TMEM94: variants seen among roughly 807,000 people sequenced by gnomAD.
TMEM94 encodes the protein transmembrane protein 94.
Under a neutral mutation model 158.6 loss-of-function variants are expected in TMEM94, and 81 were observed. The ratio of observed to expected loss-of-function variants is 0.51; its 90% CI spans 0.43 to 0.61. The LOEUF (loss-of-function observed/expected upper bound fraction) is 0.61. TMEM94 is among the 20% of genes least tolerant of loss of function. TMEM94 has a pLI of 0.00. For missense variants in TMEM94, 1,435 were observed against 1,762.0 expected, an observed-to-expected ratio of 0.81 and a Z score of 3.32; for synonymous variants, 751 against 730.7, an observed-to-expected ratio of 1.03 and a Z score of -0.45.
rs368578867 is a variant in TMEM94, at chr17:75,494,987, C to A, written c.2681C>A (p.Pro894His). The A allele has an allele frequency of 3.0e-4, 481 of 1,613,458 alleles. 1 individual carries two copies. Among genetic ancestry groups the A allele is most frequent in the Non-Finnish European group, 3.7e-4 (431 of 1,180,020 alleles). The change falls in exon 20 of 32, where the codon CCC (proline) becomes CAC (histidine). Residue 894 changes from proline (P) to histidine (H), a missense_variant. Pro to His is a moderately conservative substitution (Grantham distance 77, BLOSUM62 -2). This residue lies in a region of TMEM94 where 1,051 missense variants were observed against 1,254.4 expected (regional missense o/e 0.84). Coordinates refer to ENST00000314256, the MANE Select transcript of TMEM94 (RefSeq NM_014738.6). ...NGDMPGSEIP[P>H]SSPSHAGSLH... ...GACATGCCTGGCTCCGAGATCCCCC[C>A]CTCCAGCCCCAGCCACGCAGGCTCC...
chr17:75,492,020 A>T lies in TMEM94; in HGVS notation c.1596+120A>T, dbSNP rs1421608144. On this transcript the variant is annotated intron_variant, in intron 14 of 31. Transcript: ENST00000314256. The surrounding 1 kb of genome is among the most constrained non-coding windows in gnomAD (Gnocchi z 4.4). ...AGGCGTCTCTGCCCTCTGTCCCAGCACCTCCAGGCTAGGCCAGTGGTCCCT... is the reference window on the plus strand; with the variant it reads ...AGGCGTCTCTGCCCTCTGTCCCAGCTCCTCCAGGCTAGGCCAGTGGTCCCT... 2.8e-6 allele frequency: 3 copies of T among 1,071,488 alleles called. No homozygotes were observed. Among genetic ancestry groups the T allele is most frequent in the Non-Finnish European group, 4.1e-6 (3 of 736,344 alleles). 66.4% of individuals were successfully genotyped at this position (1,071,488 alleles called of 1,614,324 possible).
chr17:75,499,506 ACTGT>A lies in TMEM94; in HGVS notation c.*173_*176del. On this transcript the variant is annotated 3_prime_UTR_variant, in exon 32 of 32. Transcript: ENST00000314256. ...GCTGTCTTCCTGAGCCCTGGGGCTC[ACTGT>A]GGAGGAGCTGACGGCCTGGGCCCTT... 1.6e-6 allele frequency: 1 copy of A among 644,236 alleles called. No homozygotes were observed. Among genetic ancestry groups the A allele is most frequent in the African/African-American group, 1.8e-5 (1 of 54,756 alleles). The allele number at this position is 644,236 out of a possible 1,614,324, so 39.9% of individuals were successfully genotyped here.
Position 75,492,432 on chromosome 17 carries a change from C to T in TMEM94, c.1597-42C>T. 1 of 1,540,596 alleles carries T rather than the reference C, an allele frequency of 6.5e-7. No individual in the cohort carries two copies. The highest frequency in any genetic ancestry group is 1.3e-5 in the South Asian group (1 of 79,562). On this transcript the variant is annotated intron_variant, in intron 14 of 31. Transcript: ENST00000314256. The surrounding 1 kb of genome is among the most constrained non-coding windows in gnomAD (Gnocchi z 4.4). ...GGCAGAGCCAGTGCTGGCTTCCCCA[C>T]ACCCTATCCCGGGCTGAGGCTCTCC...
In TMEM94 at chr17:75,491,761, G is replaced by A. The variant is rs565448820; in HGVS notation, c.1457G>A (p.Arg486His). Residue 486 changes from arginine (R) to histidine (H), a missense_variant, in exon 14 of 32, where the codon CGT (arginine) becomes CAT (histidine). Physicochemically the swap from Arg to His is conservative, Grantham distance 29. Coordinates refer to ENST00000314256, the MANE Select transcript of TMEM94 (RefSeq NM_014738.6). The surrounding 1 kb of genome is among the most constrained non-coding windows in gnomAD (Gnocchi z 5.1). ...NTLHLSNEQERGDWPGEAPKP... is the reference protein window; with the variant it reads ...NTLHLSNEQEHGDWPGEAPKP... ...CTGCACCTTTCCAATGAGCAGGAGC[G>A]TGGCGACTGGCCTGGCGAGGCTCCC... 1.8e-4 allele frequency: 283 copies of A among 1,614,048 alleles called. 2 individuals are homozygous for A. In the South Asian group the frequency reaches 2.5e-3, roughly 14 times the overall value.
At position 75,491,477 on chromosome 17, in the gene TMEM94, G is replaced by C; in HGVS notation, c.1386+22G>C. 6.2e-7 allele frequency: 1 copy of C among 1,613,848 alleles called. No homozygotes were observed. The highest frequency in any genetic ancestry group is 8.5e-7 in the Non-Finnish European group (1 of 1,180,018). Reference sequence around the variant, plus strand: ...CGAGGTAGAGGAGGAGGTACGGCCGGCTCCCATGGGCCCGACTCTGGGCCA... The same window carrying C: ...CGAGGTAGAGGAGGAGGTACGGCCGCCTCCCATGGGCCCGACTCTGGGCCA... On this transcript the variant is annotated intron_variant, in intron 13 of 31. Coordinates refer to ENST00000314256, the MANE Select transcript of TMEM94 (RefSeq NM_014738.6). The surrounding 1 kb of genome is among the most constrained non-coding windows in gnomAD (Gnocchi z 5.1).
At chr17:75,486,679 T>C (rs979920557) in intron 5 of TMEM94, among the ~76,000 whole-genome samples, 4 of 152,202 alleles carry the variant, frequency 2.6e-5, no homozygotes, top group African/African-American at 9.7e-5. Flanking sequence ...GCTTGCAGGC[T>C]GGCTCACGTT....
intron 1 of TMEM94, among the ~76,000 whole-genome samples, chr17:75,471,238 CAAAA>C (rs763388343): frequency 5.7e-5 from 4 of 69,994 alleles, no homozygotes; most frequent in South Asian, 1.1e-3. Context: ...GAATCCGTCT[CAAAA>C]AAAAAAAAAA....
At chr17:75,474,808 C>T (rs1213838896) in intron 2 of TMEM94, among the ~76,000 whole-genome samples, 1 of 152,154 alleles carries the variant, frequency 6.6e-6, no homozygotes, top group Non-Finnish European at 1.5e-5. Context: ...GCTTCTGATC[C>T]ATCAGTTCGG....
rs2052436707 is a variant in TMEM94 at position 75,493,835 on chromosome 17, A to C, written c.2326A>C (p.Ser776Arg). 6.2e-7 allele frequency: 1 copy of C among 1,613,716 alleles called. No individual in the cohort carries two copies. The change falls in exon 18 of 32, where the codon AGC becomes CGC. Residue 776 changes from serine (S) to arginine (R), a missense_variant. Physicochemically the swap from Ser to Arg is moderately radical, Grantham distance 110. This residue lies in a region of TMEM94 where 1,051 missense variants were observed against 1,254.4 expected (regional missense o/e 0.84). Coordinates refer to ENST00000314256, the MANE Select transcript of TMEM94 (RefSeq NM_014738.6). ...CIELVQVPGQ[S>R]SIFTMCELPS... The stretch of plus-strand genomic sequence containing the variant: ...CGAGCTGGTACAGGTGCCCGGCCAA[A>C]GCAGCATCTTCACCATGTGCGAGCT...
At chr17:75,461,783 G>A (rs905469595) in intron 1 of TMEM94, among the ~76,000 whole-genome samples, 3 of 151,302 alleles carry the variant, frequency 2.0e-5, no homozygotes, top group Non-Finnish European at 2.9e-5. Flanking sequence ...GCGTGGTGGC[G>A]GGCGCCTGCA....
At chr17:75,471,242 A>G (rs1201310769) in intron 1 of TMEM94, among the ~76,000 whole-genome samples, 2 of 146,918 alleles carry the variant, frequency 1.4e-5, no homozygotes, top group Non-Finnish European at 3.0e-5. Flanking sequence ...CCGTCTCAAA[A>G]AAAAAAAAAA....
At chr17:75,476,680 ACT>A (rs1366634926) in intron 2 of TMEM94, 1 of 1,535,288 alleles carries the variant, frequency 6.5e-7, no homozygotes, top group African/African-American at 1.4e-5. Context: ...TGTGGCTCAG[ACT>A]CTGGCCCATG....
At chr17:75,486,553 C>A in intron 5 of TMEM94, 127 bp downstream of exon 5, 1 of 1,177,750 alleles carries the variant, frequency 8.5e-7, no homozygotes, top group Non-Finnish European at 1.2e-6. Flanking sequence ...CTCTTGTCAT[C>A]TGGGGAGTTA....
rs182308860 is a variant in TMEM94 at position 75,499,445 on chromosome 17, G to A, written c.*111G>A. The stretch of plus-strand genomic sequence containing the variant: ...TGTTTCCAGGTTTGCTCCTGCACCC[G>A]TGGCACTGGAAACCCAGCTCCCCGT... On this transcript the variant is annotated 3_prime_UTR_variant, in exon 32 of 32. Coordinates refer to ENST00000314256, the MANE Select transcript of TMEM94 (RefSeq NM_014738.6). 175 of 1,061,002 alleles carry A rather than the reference G, an allele frequency of 1.6e-4. No homozygotes were observed. The African/African-American group carries it at 2.3e-3, about 14-fold the overall frequency. 65.7% of individuals were successfully genotyped at this position (1,061,002 alleles called of 1,614,324 possible). A position where few individuals can be genotyped will look rare whatever the true frequency, so the allele number is the denominator to read the frequency against.
chr17:75,486,520 GC>G, intron 5 of TMEM94, 94 bp downstream of exon 5: 1 of 1,505,728 alleles, frequency 6.6e-7, no homozygotes, highest in East Asian at 2.3e-5. Context: ...CAGACGGGTT[GC>G]CTGTGGCCAG....
rs1298612564 is a variant in TMEM94, at chr17:75,495,296, A to G, written c.2741A>G (p.Asp914Gly). 1.9e-6 allele frequency: 3 copies of G among 1,610,448 alleles called. No homozygotes were observed. Among genetic ancestry groups the G allele is most frequent in the Admixed American group, 3.4e-5 (2 of 59,534 alleles). Residue 914 changes from aspartate (D) to glycine (G), a missense_variant, in exon 21 of 32, where the codon GAT (aspartate) becomes GGT (glycine). Around this residue, in one of 3 missense-constraint regions of TMEM94, gnomAD observed 1,051 missense variants for 1,254.4 expected, o/e 0.84. Coordinates refer to ENST00000314256, the MANE Select transcript of TMEM94 (RefSeq NM_014738.6). The surrounding 1 kb of genome is among the most constrained non-coding windows in gnomAD (Gnocchi z 5.6). ...HDDLNQVSRDDAEGLLLMEEE... is the reference protein window; with the variant it reads ...HDDLNQVSRDGAEGLLLMEEE... ...TTTGTCCCCACAGTGTCCCGAGATGATGCAGAAGGGCTCCTCCTCATGGAG... is the reference window on the plus strand; with the variant it reads ...TTTGTCCCCACAGTGTCCCGAGATGGTGCAGAAGGGCTCCTCCTCATGGAG...
intron 2 of TMEM94, among the ~76,000 whole-genome samples, chr17:75,480,987 G>A (rs988926587): frequency 2.0e-5 from 3 of 152,216 alleles, no homozygotes; most frequent in Admixed American, 6.5e-5. Context: ...GAGGCCTGGG[G>A]TCTCTGTGTG....
chr17:75,498,884 G>A lies in TMEM94; in HGVS notation c.3828-28G>A. The A allele has an allele frequency of 2.0e-6, 3 of 1,532,484 alleles. No homozygotes were observed. The highest frequency in any genetic ancestry group is 2.6e-6 in the Non-Finnish European group (3 of 1,140,492). 94.9% of individuals were successfully genotyped at this position (1,532,484 alleles called of 1,614,324 possible). On this transcript the variant is annotated intron_variant, in intron 30 of 31. Transcript: ENST00000314256. The surrounding 1 kb of genome is among the most constrained non-coding windows in gnomAD (Gnocchi z 6.7). ...CAGGGAAGGAAGCAAGCAGTGTCGG[G>A]TTCACACGGGGCCGCCACCTCCTGC... is the stretch of plus-strand genomic sequence containing the variant.
chr17:75,487,951 G>T lies in TMEM94; in HGVS notation c.429G>T (p.Arg143Ser). 1 of 1,613,920 alleles carries T rather than the reference G, an allele frequency of 6.2e-7. No homozygotes were observed. Among genetic ancestry groups the T allele is most frequent in the Non-Finnish European group, 8.5e-7 (1 of 1,179,802 alleles). ...DQIQDALRDG[R>S]EIQWPSAMYP... ...CCTCAGATGCCCTCAGGGATGGCAGGGAGATCCAGTGGCCCAGTGCCATGT... is the reference window on the plus strand; with the variant it reads ...CCTCAGATGCCCTCAGGGATGGCAGTGAGATCCAGTGGCCCAGTGCCATGT... The change falls in exon 6 of 32, where the codon AGG becomes AGT. Residue 143 changes from arginine to serine, a missense_variant. Physicochemically the swap from Arg to Ser is moderately radical, Grantham distance 110 (BLOSUM62 -1). Around this residue, in one of 3 missense-constraint regions of TMEM94, gnomAD observed 1,051 missense variants for 1,254.4 expected, o/e 0.84. Transcript: ENST00000314256. The surrounding 1 kb of genome is among the most constrained non-coding windows in gnomAD (Gnocchi z 4.6).
Sources: gnomAD v4.1 joint callset for allele counts (sites outside exome capture counted in the v4.1 genomes callset) on GRCh38, gnomAD v4.1.1 for gene constraint, gnomAD v4.1.1 regional missense constraint, Gnocchi (gnomAD v3.1) non-coding constraint, MANE v1.5 for transcripts, NCBI Gene and HGNC (gene_info 2026-07-23, HGNC 2026-07-21) for gene names.